Variants in STAU2 observed in about 807,000 individuals in gnomAD.
STAU2 encodes staufen double-stranded RNA binding protein 2, also known as double-stranded RNA-binding protein Staufen homolog 2.
Under a neutral mutation model 65.9 loss-of-function variants are expected in STAU2, and 20 were observed. The observed-to-expected ratio is 0.30, with a 90% confidence interval of 0.21 to 0.44. The LOEUF (loss-of-function observed/expected upper bound fraction) is 0.44. Among genes scored for constraint, STAU2 ranks in the 20% least tolerant of loss-of-function variants. The pLI is 1.00. For synonymous variants in STAU2, 232 were observed against 233.9 expected, an observed-to-expected ratio of 0.99 and a Z score of 0.07; for missense variants, 558 against 683.9, an observed-to-expected ratio of 0.82 and a Z score of 2.05.
intron 13 of STAU2, among the ~76,000 whole-genome samples, chr8:73,493,492 A>G (rs76928775): frequency 0.017 from 2,642 of 151,850 alleles, 76 homozygotes; most frequent in African/African-American, 0.061. Context: ...GACTCTTCAC[A>G]AAGAAATATA....
At chr8:73,638,816 T>A (rs1477383202) in intron 6 of STAU2, among the ~76,000 whole-genome samples, 1 of 151,932 alleles carries the variant, frequency 6.6e-6, no homozygotes, top group Non-Finnish European at 1.5e-5. Context: ...AATGATCACA[T>A]GACCTGAGTC....
intron 6 of STAU2, among the ~76,000 whole-genome samples, chr8:73,665,117 G>C (rs1367515401): frequency 6.6e-6 from 1 of 151,956 alleles, no homozygotes; most frequent in Non-Finnish European, 1.5e-5. Flanking sequence ...GTTTTAAAAA[G>C]ACATTTCTAA....
intron 5 of STAU2, among the ~76,000 whole-genome samples, chr8:73,674,078 A>G (rs1817866961): frequency 6.6e-6 from 1 of 151,588 alleles, no homozygotes; most frequent in South Asian, 2.1e-4. Context: ...TGAAAATGAA[A>G]ATATAAATAT....
intron 13 of STAU2, among the ~76,000 whole-genome samples, chr8:73,493,904 G>C (rs752150371): frequency 6.6e-6 from 1 of 151,738 alleles, no homozygotes; most frequent in Non-Finnish European, 1.5e-5. Flanking sequence ...ATTTAGCAAA[G>C]AAAGAAACAA....
intron 5 of STAU2, among the ~76,000 whole-genome samples, chr8:73,679,476 A>G (rs1380635382): frequency 1.3e-5 from 2 of 152,208 alleles, no homozygotes; most frequent in African/African-American, 4.8e-5. Context: ...AGAGGGGGAA[A>G]GTCTGCCTCC....
chr8:73,662,778 G>A (rs1208182157), intron 6 of STAU2, among the ~76,000 whole-genome samples: 3 of 152,052 alleles, frequency 2.0e-5, no homozygotes, highest in African/African-American at 4.8e-5. Flanking sequence ...CACCATGCCA[G>A]GCTAATTTTG....
intron 1 of STAU2, among the ~76,000 whole-genome samples, chr8:73,745,075 G>C (rs1807178318): frequency 6.6e-6 from 1 of 152,128 alleles, no homozygotes; most frequent in Non-Finnish European, 1.5e-5. Context: ...CATCACTTAG[G>C]AATAAATTTC....
intron 9 of STAU2, among the ~76,000 whole-genome samples, chr8:73,608,269 A>C (rs1812176294): frequency 1.3e-5 from 2 of 152,156 alleles, no homozygotes; most frequent in African/African-American, 2.4e-5. Flanking sequence ...AGTTGGACAA[A>C]AGAGTGGCAG....
At chr8:73,702,812 C>A (rs1027502557) in intron 4 of STAU2, among the ~76,000 whole-genome samples, 2 of 152,090 alleles carry the variant, frequency 1.3e-5, no homozygotes, top group African/African-American at 4.8e-5. Flanking sequence ...TCAGTCACTA[C>A]GGAAGTGCAA....
At chr8:73,735,215 G>A (rs1368417426) in intron 3 of STAU2, among the ~76,000 whole-genome samples, 1 of 152,214 alleles carries the variant, frequency 6.6e-6, no homozygotes. Flanking sequence ...ACAGGCATGG[G>A]CCACCACACT....
chr8:73,637,477 T>TAAAAAAAAAAAAAAAATAAAA (rs1814620107), intron 6 of STAU2, among the ~76,000 whole-genome samples: 1 of 57,086 alleles, frequency 1.8e-5, no homozygotes, highest in Non-Finnish European at 3.0e-5. Context: ...GTGCTGAAAG[T>TAAAAAAAAAAAAAAAATAAAA]AAAAAAAAAA....
chr8:73,688,725 T>C lies in STAU2; in HGVS notation c.203A>G (p.Lys68Arg). 2 of 1,614,182 alleles carry C rather than the reference T, an allele frequency of 1.2e-6. No homozygotes were observed. The highest frequency in any genetic ancestry group is 1.7e-6 in the Non-Finnish European group (2 of 1,180,034). ...GGGAAGCGTAGATTCAGTCAAAGCTTTATTGGCAACAGCCTGCTGAGCCTT... is the reference window on the plus strand; with the variant it reads ...GGGAAGCGTAGATTCAGTCAAAGCTCTATTGGCAACAGCCTGCTGAGCCTT... Reference protein sequence around the residue: ...IKKAQQAVANKALTESTLPKP... With the variant: ...IKKAQQAVANRALTESTLPKP... The change falls in exon 5 of 15, where the codon AAA becomes AGA. Residue 68 changes from lysine to arginine, a missense_variant. Transcript: ENST00000524300.
chr8:73,532,643 T>G (rs567132069), intron 13 of STAU2, among the ~76,000 whole-genome samples: 1 of 152,110 alleles, frequency 6.6e-6, no homozygotes, highest in East Asian at 1.9e-4. Flanking sequence ...TATAAAAAAT[T>G]TTAAAAATGA....
At chr8:73,560,558 G>A (rs1808147717) in intron 12 of STAU2, among the ~76,000 whole-genome samples, 1 of 152,056 alleles carries the variant, frequency 6.6e-6, no homozygotes. Context: ...TTAATTTGGT[G>A]AATGTTTATG....
intron 11 of STAU2, among the ~76,000 whole-genome samples, chr8:73,593,886 C>T (rs868865115): frequency 0.012 from 1,766 of 147,886 alleles, 34 homozygotes; most frequent in African/African-American, 0.041. Context: ...CACATACACA[C>T]ACACACACAC....
intron 3 of STAU2, among the ~76,000 whole-genome samples, chr8:73,731,499 A>G (rs752116567): frequency 2.0e-5 from 3 of 152,122 alleles, no homozygotes; most frequent in Non-Finnish European, 2.9e-5. Flanking sequence ...ACTTGTTCCT[A>G]TTCTCTCAGG....
In STAU2 at chr8:73,746,809, G is replaced by A. The variant is rs1013675186; in HGVS notation, c.-223C>T. 9.7e-6 allele frequency: 12 copies of A among 1,231,484 alleles called. No individual in the cohort carries two copies. The African/African-American group carries it at 1.1e-4, about 11-fold the overall frequency. The allele number at this position is 1,231,484 out of a possible 1,614,324, so 76.3% of individuals were successfully genotyped here. ...TTCTTGCCGGGGACACTTTGCAGAC[G>A]GCTCCAACATTGGCAAACACTACAG... On this transcript the variant is annotated 5_prime_UTR_variant, in exon 1 of 15. Coordinates refer to ENST00000524300, the MANE Select transcript of STAU2 (RefSeq NM_001164380.2).
chr8:73,682,126 G>A (rs189361098), intron 5 of STAU2, among the ~76,000 whole-genome samples: 142 of 152,122 alleles, frequency 9.3e-4, no homozygotes, highest in Admixed American at 1.4e-3. Context: ...ACAACAAATG[G>A]ATTTAACAGA....
chr8:73,627,231 GCA>G (rs1563467186), intron 6 of STAU2, among the ~76,000 whole-genome samples: 439 of 27,062 alleles, frequency 0.016, no homozygotes, highest in Middle Eastern at 0.026. Context: ...GGAGGGGGGG[GCA>G]GGAGGGCGGG....
Sources: allele counts gnomAD v4.1 joint callset (sites outside exome capture counted in the v4.1 genomes callset), GRCh38; gene constraint gnomAD v4.1.1; transcripts MANE v1.5; gene names NCBI Gene and HGNC (gene_info 2026-07-23, HGNC 2026-07-21).